Variants in OPCML observed in about 807,000 individuals in gnomAD.
OPCML encodes opioid-binding protein/cell adhesion molecule.
Under a neutral mutation model 37.8 loss-of-function variants are expected in OPCML, and 13 were observed. That is an observed-to-expected ratio of 0.34 (90% confidence interval 0.22 to 0.55). The LOEUF is 0.55. Ranked by LOEUF, OPCML falls within the 20% of genes least tolerant of loss-of-function variation. OPCML has a pLI of 0.91. For missense variants in OPCML, 341 were observed against 435.6 expected (o/e 0.78, Z 1.93); for synonymous variants, 176 against 168.8 (o/e 1.04, Z -0.33).
intron 2 of OPCML, among the ~76,000 whole-genome samples, chr11:132,785,737 G>A (rs1021709573): frequency 6.6e-6 from 1 of 152,050 alleles, no homozygotes; most frequent in African/African-American, 2.4e-5. Context: ...CAGACCTCTG[G>A]GATTTAAAAT....
rs531305189 is a variant in OPCML at position 132,911,981 on chromosome 11, T to C, written c.146+30945A>G. Among the ~76,000 whole-genome samples the C allele has an allele frequency of 3.9e-4, 60 of 152,196 alleles. 1 individual carries two copies. Among genetic ancestry groups the C allele is most frequent in the African/African-American group, 1.3e-3 (55 of 41,514 alleles). On this transcript the variant is annotated intron_variant, in intron 2 of 7. Coordinates refer to ENST00000524381, the MANE Select transcript of OPCML (RefSeq NM_001012393.5). ...TTCAGGACACAGGAAATGGAGGAAG[T>C]AGAGGTTAATCATCTTGAAAATTTG...
At chr11:132,503,970 T>A (rs146017028) in intron 4 of OPCML, among the ~76,000 whole-genome samples, 5 of 152,334 alleles carry the variant, frequency 3.3e-5, no homozygotes, top group Non-Finnish European at 5.9e-5. Context: ...GTATCTTTTA[T>A]GCACCTTTGT....
chr11:133,225,151 TTC>T (rs1453258836), intron 1 of OPCML, among the ~76,000 whole-genome samples: 1 of 152,228 alleles, frequency 6.6e-6, no homozygotes, highest in Non-Finnish European at 1.5e-5. Flanking sequence ...GTAGCTCATA[TTC>T]TCTTATTTAT....
At chr11:133,165,478 C>T (rs1427396035) in intron 1 of OPCML, among the ~76,000 whole-genome samples, 2 of 152,180 alleles carry the variant, frequency 1.3e-5, no homozygotes, top group East Asian at 3.9e-4. Context: ...AACCCAGCTC[C>T]TCTGGGTTTG....
chr11:133,088,503 A>G (rs971341039), intron 1 of OPCML, among the ~76,000 whole-genome samples: 15 of 152,214 alleles, frequency 9.9e-5, no homozygotes, highest in African/African-American at 3.6e-4. Flanking sequence ...ATATCTTCCA[A>G]TATCAAAGAG....
intron 2 of OPCML, among the ~76,000 whole-genome samples, chr11:132,716,061 C>G (rs1410772798): frequency 6.6e-6 from 1 of 152,204 alleles, no homozygotes; most frequent in Admixed American, 6.5e-5. Context: ...TACTTTCTAA[C>G]ACCAAATACA....
intron 1 of OPCML, among the ~76,000 whole-genome samples, chr11:133,138,142 T>G (rs1949718835): frequency 6.6e-6 from 1 of 152,154 alleles, no homozygotes; most frequent in African/African-American, 2.4e-5. Context: ...ACTGAATTAG[T>G]TCCAGAAAGA....
intron 3 of OPCML, among the ~76,000 whole-genome samples, chr11:132,632,707 A>G (rs1940229765): frequency 6.6e-6 from 1 of 152,154 alleles, no homozygotes; most frequent in Non-Finnish European, 1.5e-5. Flanking sequence ...TCTCTTTGGT[A>G]TGTGAGATAT....
intron 2 of OPCML, among the ~76,000 whole-genome samples, chr11:132,672,513 TCTCC>T (rs1292464616): frequency 6.6e-6 from 1 of 152,124 alleles, no homozygotes; most frequent in Non-Finnish European, 1.5e-5. Flanking sequence ...AACACTTCCA[TCTCC>T]CTCCTTGCTC....
At chr11:132,889,763 G>A (rs1943572548) in intron 2 of OPCML, among the ~76,000 whole-genome samples, 1 of 152,192 alleles carries the variant, frequency 6.6e-6, no homozygotes, top group South Asian at 2.1e-4. Context: ...AATTAGTACA[G>A]GGATGAGGTT....
rs553617547 is a variant in OPCML at position 133,161,985 on chromosome 11, C to CTTT, written c.62-218978_62-218976dup. Among the ~76,000 whole-genome samples the CTTT allele has an allele frequency of 2.2e-3, 184 of 85,470 alleles. 12 individuals carry two copies. Among genetic ancestry groups the CTTT allele is most frequent in the African/African-American group, 5.1e-3 (109 of 21,542 alleles). 56.1% of individuals were successfully genotyped at this position (85,470 alleles called of 152,430 possible). The stretch of plus-strand genomic sequence containing the variant: ...AACAGGTAAGAGAGGCAGTCTCTGT[C>CTTT]TTTTTTTTTTTTTTTTTTTTTTTTT... On this transcript the variant is annotated intron_variant, in intron 1 of 7. Coordinates refer to ENST00000524381, the MANE Select transcript of OPCML (RefSeq NM_001012393.5).
Position 132,919,839 on chromosome 11 carries a change from A to G in OPCML, c.146+23087T>C, listed in dbSNP as rs558398332. On this transcript the variant is annotated intron_variant, in intron 2 of 7. Coordinates refer to ENST00000524381, the MANE Select transcript of OPCML (RefSeq NM_001012393.5). ...TCAAAGAACATTTGTAGAAAGAATG[A>G]CACAGGAAGTGAGTGAATGAAAGAA... Among the ~76,000 whole-genome samples the G allele has an allele frequency of 2.0e-5, 3 of 152,364 alleles. No homozygotes were observed. The East Asian group carries it at 5.8e-4, about 29-fold the overall frequency.
intron 1 of OPCML, among the ~76,000 whole-genome samples, chr11:133,167,994 T>C (rs571550459): frequency 3.3e-5 from 5 of 152,340 alleles, no homozygotes; most frequent in African/African-American, 1.2e-4. Flanking sequence ...GGTTCATTTA[T>C]CTTTCTGCAT....
At chr11:133,096,130 A>ATGTGTGTGTGTGTG (rs59616366) in intron 1 of OPCML, among the ~76,000 whole-genome samples, 2 of 150,098 alleles carry the variant, frequency 1.3e-5, no homozygotes, top group African/African-American at 4.9e-5. Context: ...TTGTGCACAA[A>ATGTGTGTGTGTGTG]TGTGTGTGTG....
Position 133,004,586 on chromosome 11 carries a change from C to T in OPCML, c.62-61576G>A, listed in dbSNP as rs987968726. The T allele has an allele frequency of 1.2e-4, 116 of 985,362 alleles. 1 individual carries two copies. Among genetic ancestry groups the T allele is most frequent in the Middle Eastern group, 5.2e-4 (1 of 1,936 alleles). The allele number at this position is 985,362 out of a possible 1,614,324, so 61.0% of individuals were successfully genotyped here. On this transcript the variant is annotated intron_variant, in intron 1 of 7. Transcript: ENST00000524381. ...GCCAATGCCCATGCAGGCACTGCTG[C>T]TCCATGCGAAGGGTCTGCTCCTCTG...
chr11:132,643,483 C>T (rs1336707073), intron 3 of OPCML, among the ~76,000 whole-genome samples: 1 of 152,126 alleles, frequency 6.6e-6, no homozygotes, highest in Admixed American at 6.5e-5. Context: ...TTTTCCCACC[C>T]CCAACCAGGG....
At chr11:132,501,989 A>G (rs1259566292) in intron 4 of OPCML, among the ~76,000 whole-genome samples, 1 of 152,238 alleles carries the variant, frequency 6.6e-6, no homozygotes, top group African/African-American at 2.4e-5. Flanking sequence ...TATGGGGCAC[A>G]CCTGCATTGT....
In OPCML at chr11:133,261,632, T is replaced by C. The variant is rs895317259; in HGVS notation, c.61+270632A>G. Among the ~76,000 whole-genome samples, 9 of 152,216 alleles carry C rather than the reference T, an allele frequency of 5.9e-5. No homozygotes were observed. The East Asian group carries it at 1.7e-3, about 29-fold the overall frequency. On this transcript the variant is annotated intron_variant, in intron 1 of 7. Transcript: ENST00000524381. ...CTCTGGGATGGGTGGGCTCTCACCA[T>C]TTTTGTTCGCTGTCATATCCTCGGT...
intron 1 of OPCML, among the ~76,000 whole-genome samples, chr11:133,083,704 A>G (rs1328768906): frequency 1.3e-5 from 2 of 152,208 alleles, no homozygotes; most frequent in Non-Finnish European, 2.9e-5. Flanking sequence ...CGGCCTCGCC[A>G]CTGGGGAGAG....
Sources: gnomAD v4.1 joint callset for allele counts (sites outside exome capture counted in the v4.1 genomes callset) on GRCh38, gnomAD v4.1.1 for gene constraint, MANE v1.5 for transcripts, NCBI Gene and HGNC (gene_info 2026-07-23, HGNC 2026-07-21) for gene names.